Variants in KIFC3 observed in about 807,000 individuals in gnomAD.
The protein encoded by KIFC3 is kinesin-like protein KIFC3.
Under a neutral mutation model 101.8 loss-of-function variants are expected in KIFC3, and 60 were observed. That is an observed-to-expected ratio of 0.59 (90% confidence interval 0.48 to 0.73). The LOEUF (loss-of-function observed/expected upper bound fraction) is 0.73, where lower values mean the gene tolerates loss of function less well. KIFC3 is among the 30% of genes least tolerant of loss of function. The pLI is 0.00. For synonymous variants in KIFC3, 476 were observed against 482.7 expected (o/e 0.99, Z 0.18); for missense variants, 966 against 1,137.1 (o/e 0.85, Z 2.16).
chr16:57,769,190 C>T lies in KIFC3; in HGVS notation c.1218+405G>A, dbSNP rs181193781. ...CTGGAATTAACAGGCACCTGCCACCCATGCCCAGCTAATTTTTGTAATTTT... is the reference window on the plus strand; with the variant it reads ...CTGGAATTAACAGGCACCTGCCACCTATGCCCAGCTAATTTTTGTAATTTT... On this transcript the variant is annotated intron_variant, in intron 9 of 19. Transcript: ENST00000445690. The surrounding 1 kb of genome is among the most constrained non-coding windows in gnomAD (Gnocchi z 4.3). 6.6e-6 allele frequency among the ~76,000 whole-genome samples: 1 copy of T among 152,254 alleles called. No individual in the cohort carries two copies. Among genetic ancestry groups the T allele is most frequent in the African/African-American group, 2.4e-5 (1 of 41,548 alleles).
chr16:57,826,538 T>C (rs183355100), intron 1 of KIFC3, among the ~76,000 whole-genome samples: 5 of 152,330 alleles, frequency 3.3e-5, no homozygotes, highest in African/African-American at 9.6e-5. Context: ...TTTGAAAATT[T>C]CACGTAAAAT....
rs1157992274 is a variant in KIFC3 at position 57,776,295 on chromosome 16, G to A, written c.316-4007C>T. On this transcript the variant is annotated intron_variant, in intron 3 of 19. Transcript: ENST00000445690. ...GGCGGCCCTGGGAGCACACCCTGTG[G>A]AGCCCACAGAAGGCCTGATCCTGGC... 5.1e-6 allele frequency: 5 copies of A among 985,380 alleles called. No homozygotes were observed. In the African/African-American group the frequency reaches 8.7e-5, roughly 17 times the overall value. 61.0% of individuals were successfully genotyped at this position (985,380 alleles called of 1,614,324 possible).
chr16:57,802,422 C>G lies in KIFC3; in HGVS notation c.-92G>C. ...TCGCCGCAGCGCCCGGGGCTCGGCCCGGCCCGGCCCGCCGGCAGGAGGCAG... is the reference window on the plus strand; with the variant it reads ...TCGCCGCAGCGCCCGGGGCTCGGCCGGGCCCGGCCCGCCGGCAGGAGGCAG... On this transcript the variant is annotated 5_prime_UTR_variant, in exon 1 of 20. Transcript: ENST00000445690. The surrounding 1 kb of genome is among the most constrained non-coding windows in gnomAD (Gnocchi z 5.0). 1.9e-5 allele frequency: 19 copies of G among 982,876 alleles called. No homozygotes were observed. The highest frequency in any genetic ancestry group is 2.1e-5 in the Non-Finnish European group (17 of 828,874). The allele number at this position is 982,876 out of a possible 1,614,324, so 60.9% of individuals were successfully genotyped here. A position where few individuals can be genotyped will look rare whatever the true frequency, so the allele number is the denominator to read the frequency against.
chr16:57,796,827 T>C (rs2054361843), intron 2 of KIFC3, among the ~76,000 whole-genome samples: 1 of 152,242 alleles, frequency 6.6e-6, no homozygotes, highest in Admixed American at 6.5e-5. Context: ...TATTTCCTTT[T>C]TGATATTTTT....
At chr16:57,761,389 G>A in intron 14 of KIFC3, 24 bp downstream of exon 14, 4 of 1,613,640 alleles carry the variant, frequency 2.5e-6, no homozygotes, top group East Asian at 2.2e-5. Context: ...GTGTGGCTGT[G>A]GTCAGGGGCT....
At chr16:57,825,687 T>C (rs908550515) in intron 1 of KIFC3, among the ~76,000 whole-genome samples, 1 of 152,212 alleles carries the variant, frequency 6.6e-6, no homozygotes, top group Non-Finnish European at 1.5e-5. Context: ...TTTGTTTTTG[T>C]TTTGTTTTGA....
intron 1 of KIFC3, among the ~76,000 whole-genome samples, chr16:57,819,477 A>T (rs908388958): frequency 6.6e-6 from 1 of 152,230 alleles, no homozygotes; most frequent in African/African-American, 2.4e-5. Flanking sequence ...CACAGCAGCC[A>T]GAGAAGTCTT....
chr16:57,862,277 G>A (rs2149343383), intron 1 of KIFC3, among the ~76,000 whole-genome samples: 1 of 149,166 alleles, frequency 6.7e-6, no homozygotes, highest in South Asian at 2.1e-4. Context: ...TCCCGCCTCA[G>A]CCTCTCAAAG....
At chr16:57,783,493 A>T in intron 3 of KIFC3, among the ~76,000 whole-genome samples, 1 of 82,234 alleles carries the variant, frequency 1.2e-5, no homozygotes, top group African/African-American at 7.1e-5. Flanking sequence ...TTTTTTTGAG[A>T]CAGAGTTTCA....
In KIFC3 at chr16:57,769,483, C is replaced by G. The variant is rs868956419; in HGVS notation, c.1218+112G>C. ...AGTGTCATGGGGGGTGGGGCAGGGG[C>G]TGCTGTCTGAGCGGCTTTGTCTGAG... On this transcript the variant is annotated intron_variant, in intron 9 of 19. Transcript: ENST00000445690. The surrounding 1 kb of genome is among the most constrained non-coding windows in gnomAD (Gnocchi z 4.3). The G allele has an allele frequency of 6.0e-5, 82 of 1,365,148 alleles. 1 individual carries two copies. In the South Asian group the frequency reaches 1.1e-3, roughly 18 times the overall value. The allele number at this position is 1,365,148 out of a possible 1,614,324, so 84.6% of individuals were successfully genotyped here.
chr16:57,816,419 C>A, intron 1 of KIFC3: 1 of 516,976 alleles, frequency 1.9e-6, no homozygotes, highest in Non-Finnish European at 3.5e-6. Context: ...GAAGCTGGGC[C>A]AAGAGGCAAA....
chr16:57,852,063 C>CCTTT (rs1181766409), intron 1 of KIFC3, among the ~76,000 whole-genome samples: 1 of 151,854 alleles, frequency 6.6e-6, no homozygotes, highest in Non-Finnish European at 1.5e-5. Flanking sequence ...TTTATTTCTT[C>CCTTT]CTTTCTTTCT....
intron 1 of KIFC3, among the ~76,000 whole-genome samples, chr16:57,827,585 G>A (rs868981073): frequency 1.3e-5 from 2 of 152,092 alleles, no homozygotes; most frequent in Admixed American, 6.5e-5. Context: ...GACACATCAC[G>A]ACCATTTTCA....
intron 3 of KIFC3, among the ~76,000 whole-genome samples, chr16:57,789,550 A>T (rs782061295): frequency 6.6e-6 from 1 of 152,130 alleles, no homozygotes; most frequent in Non-Finnish European, 1.5e-5. Flanking sequence ...TTCGGGGGGG[A>T]TGGTGTAGTG....
intron 1 of KIFC3, among the ~76,000 whole-genome samples, chr16:57,851,570 C>CT (rs11376679): frequency 0.47 from 68,263 of 144,126 alleles, 17,207 homozygotes; most frequent in East Asian, 0.62. Flanking sequence ...TTCGTTCATT[C>CT]TTTTTTTTTT....
chr16:57,773,479 C>G (rs1484600241), intron 3 of KIFC3, among the ~76,000 whole-genome samples: 2 of 152,124 alleles, frequency 1.3e-5, no homozygotes, highest in South Asian at 2.1e-4. Flanking sequence ...ACAGCAAGAC[C>G]CCATCTCTAC....
chr16:57,759,545 A>C, intron 18 of KIFC3, 183 bp downstream of exon 18: 1 of 590,150 alleles, frequency 1.7e-6, no homozygotes, highest in Non-Finnish European at 3.0e-6. Flanking sequence ...CACCTGCAGA[A>C]CGGACACAGC....
At chr16:57,854,933 G>A (rs1317563153) in intron 1 of KIFC3, among the ~76,000 whole-genome samples, 1 of 152,166 alleles carries the variant, frequency 6.6e-6, no homozygotes, top group East Asian at 1.9e-4. Flanking sequence ...CAAAGTGGAA[G>A]TTTTGGCTGG....
Position 57,759,137 on chromosome 16 carries a change from C to G in KIFC3, c.*12G>C. 1 of 1,550,802 alleles carries G rather than the reference C, an allele frequency of 6.4e-7. No individual in the cohort carries two copies. The highest frequency in any genetic ancestry group is 8.7e-7 in the Non-Finnish European group (1 of 1,146,978). Reference sequence around the variant, plus strand: ...GCCCCACACTCACCTAGAGACTCTGCAGCCCCAGCCGTCAGGCTGAAATCA... The same window carrying G: ...GCCCCACACTCACCTAGAGACTCTGGAGCCCCAGCCGTCAGGCTGAAATCA... On this transcript the variant is annotated 3_prime_UTR_variant, in exon 19 of 20. Transcript: ENST00000445690.
Sources: allele counts gnomAD v4.1 joint callset (sites outside exome capture counted in the v4.1 genomes callset), GRCh38; gene constraint gnomAD v4.1.1; non-coding constraint Gnocchi (gnomAD v3.1); transcripts MANE v1.5; gene names NCBI Gene and HGNC (gene_info 2026-07-23, HGNC 2026-07-21).